Variants in CADPS2 observed in about 807,000 individuals in gnomAD.
CADPS2 encodes the protein calcium-dependent secretion activator 2.
Under a neutral mutation model 172.5 loss-of-function variants are expected in CADPS2, and 93 were observed. The ratio of observed to expected loss-of-function variants is 0.54; its 90% CI spans 0.46 to 0.64. The LOEUF (loss-of-function observed/expected upper bound fraction) is 0.64. CADPS2 is among the 30% of genes least tolerant of loss of function. The pLI, the probability that CADPS2 is intolerant of heterozygous loss-of-function variation, is 0.00. For missense variants in CADPS2, 1,420 were observed against 1,565.9 expected, an observed-to-expected ratio of 0.91 and a Z score of 1.57; for synonymous variants, 546 against 555.2, an observed-to-expected ratio of 0.98 and a Z score of 0.23.
chr7:122,550,088 T>C (rs1365862117), intron 8 of CADPS2, among the ~76,000 whole-genome samples: 1 of 152,166 alleles, frequency 6.6e-6, no homozygotes, highest in Non-Finnish European at 1.5e-5. Context: ...GTAGGCATGC[T>C]GTCCCAACCT....
intron 1 of CADPS2, among the ~76,000 whole-genome samples, chr7:122,763,730 G>C (rs914142962): frequency 6.6e-6 from 1 of 152,044 alleles, no homozygotes; most frequent in South Asian, 2.1e-4. Flanking sequence ...AATTCCAAAG[G>C]GGTTCTATTC....
At chr7:122,830,254 T>C (rs1327490656) in intron 1 of CADPS2, among the ~76,000 whole-genome samples, 1 of 152,080 alleles carries the variant, frequency 6.6e-6, no homozygotes, top group Non-Finnish European at 1.5e-5. Context: ...GGCTGCAAGA[T>C]AAAAAGGCAA....
chr7:122,732,520 T>G (rs1010291598), intron 2 of CADPS2, among the ~76,000 whole-genome samples: 49 of 150,200 alleles, frequency 3.3e-4, no homozygotes, highest in Non-Finnish European at 3.6e-4. Context: ...CAATTTAATT[T>G]GTAATACACA....
chr7:122,564,798 T>C (rs954696396), intron 7 of CADPS2, among the ~76,000 whole-genome samples: 25 of 151,838 alleles, frequency 1.6e-4, no homozygotes, highest in African/African-American at 5.8e-4. Flanking sequence ...ATAAAATTTT[T>C]AATTGCATAA....
intron 1 of CADPS2, among the ~76,000 whole-genome samples, chr7:122,845,371 G>A (rs1811711018): frequency 1.3e-5 from 2 of 152,156 alleles, no homozygotes; most frequent in African/African-American, 4.8e-5. Context: ...TTTGATGTCA[G>A]ATAAAAAACA....
At chr7:122,481,225 G>T (rs1049164306) in intron 11 of CADPS2, among the ~76,000 whole-genome samples, 9 of 147,882 alleles carry the variant, frequency 6.1e-5, no homozygotes, top group Non-Finnish European at 1.2e-4. Flanking sequence ...GAGTGCAGTG[G>T]TGCGAACGTG....
intron 8 of CADPS2, among the ~76,000 whole-genome samples, chr7:122,531,264 A>G (rs1338142181): frequency 1.3e-5 from 2 of 152,252 alleles, no homozygotes; most frequent in African/African-American, 4.8e-5. Context: ...ACAATGGAAG[A>G]GAAAGAAGAA....
rs140522084 is a variant in CADPS2 at position 122,590,709 on chromosome 7, A to G, written c.1224-9419T>C. 6.8e-3 allele frequency among the ~76,000 whole-genome samples: 1,041 copies of G among 151,994 alleles called. 9 individuals are homozygous for G. Among genetic ancestry groups the G allele is most frequent in the African/African-American group, 0.023 (954 of 41,532 alleles). On this transcript the variant is annotated intron_variant, in intron 6 of 29. Coordinates refer to ENST00000449022, the MANE Select transcript of CADPS2 (RefSeq NM_017954.11). ...CATCCTAACAGATTGATTCATAAAA[A>G]AATTTACCTATCTAGTAAATAAAAT...
chr7:122,505,158 G>C (rs2059518625), intron 9 of CADPS2, among the ~76,000 whole-genome samples: 1 of 152,112 alleles, frequency 6.6e-6, no homozygotes, highest in Admixed American at 6.5e-5. Context: ...GTACAGACTT[G>C]ATGTGTGTAA....
At chr7:122,537,566 CAA>C (rs1248307145) in intron 8 of CADPS2, among the ~76,000 whole-genome samples, 1 of 150,878 alleles carries the variant, frequency 6.6e-6, no homozygotes, top group Non-Finnish European at 1.5e-5. Context: ...CAAATAAAAA[CAA>C]AAACAAAAAT....
At chr7:122,507,109 A>C (rs975907703) in intron 9 of CADPS2, among the ~76,000 whole-genome samples, 6 of 152,216 alleles carry the variant, frequency 3.9e-5, no homozygotes, top group African/African-American at 1.4e-4. Flanking sequence ...AAATGTAAAA[A>C]AAATTTAATT....
intron 1 of CADPS2, among the ~76,000 whole-genome samples, chr7:122,797,284 T>C (rs1796586900): frequency 6.6e-6 from 1 of 152,204 alleles, no homozygotes; most frequent in African/African-American, 2.4e-5. Flanking sequence ...TGGAACACAG[T>C]GTGGCAATTT....
intron 1 of CADPS2, among the ~76,000 whole-genome samples, chr7:122,777,540 T>A (rs964753953): frequency 6.6e-6 from 1 of 152,176 alleles, no homozygotes; most frequent in Non-Finnish European, 1.5e-5. Flanking sequence ...CCCACCCAAA[T>A]GTCATCTTGA....
At chr7:122,354,822 T>A (rs968182404) in intron 27 of CADPS2, among the ~76,000 whole-genome samples, 8 of 152,162 alleles carry the variant, frequency 5.3e-5, no homozygotes, top group Admixed American at 3.9e-4. Flanking sequence ...CAAGGTTCTA[T>A]GATGGGGCCA....
chr7:122,776,630 C>T (rs1410419254), intron 1 of CADPS2, among the ~76,000 whole-genome samples: 1 of 151,254 alleles, frequency 6.6e-6, no homozygotes, highest in Non-Finnish European at 1.5e-5. Flanking sequence ...AAGTTTGGAA[C>T]TTCCTAGAGA....
intron 25 of CADPS2, chr7:122,378,616 G>A (rs2042628134): frequency 6.6e-6 from 1 of 152,064 alleles, no homozygotes; most frequent in Non-Finnish European, 1.5e-5. Flanking sequence ...GTTTTATGAA[G>A]AAGCCTGATT....
At chr7:122,352,978 G>A (rs565176591) in intron 27 of CADPS2, among the ~76,000 whole-genome samples, 2 of 152,286 alleles carry the variant, frequency 1.3e-5, no homozygotes, top group East Asian at 3.9e-4. Context: ...CATCATTCCA[G>A]GTAGAAACAA....
At chr7:122,698,495 T>G (rs1242317337) in intron 2 of CADPS2, 1 of 1,613,852 alleles carries the variant, frequency 6.2e-7, no homozygotes, top group African/African-American at 1.3e-5. Context: ...TGATGAAACA[T>G]GGGGAACACC....
chr7:122,781,836 C>T (rs1233352325), intron 1 of CADPS2, among the ~76,000 whole-genome samples: 1 of 152,082 alleles, frequency 6.6e-6, no homozygotes, highest in Non-Finnish European at 1.5e-5. Flanking sequence ...TTCCACATAA[C>T]CTTTATAATT....
Sources: gnomAD v4.1 joint callset for allele counts (sites outside exome capture counted in the v4.1 genomes callset) on GRCh38, gnomAD v4.1.1 for gene constraint, MANE v1.5 for transcripts, NCBI Gene and HGNC (gene_info 2026-07-23, HGNC 2026-07-21) for gene names.